Variants in CREB3L2 observed in about 807,000 individuals in gnomAD.
The protein encoded by CREB3L2 is cAMP responsive element binding protein 3 like 2.
In CREB3L2, 23 loss-of-function variants were observed where a neutral mutation model predicts 57.2. The observed-to-expected ratio is 0.40, with a 90% CI of 0.29 to 0.57. The LOEUF (loss-of-function observed/expected upper bound fraction) is 0.57, where lower values mean the gene tolerates loss of function less well. Ranked by LOEUF, CREB3L2 falls within the 20% of genes least tolerant of loss-of-function variation. CREB3L2 has a pLI of 0.42. For synonymous variants in CREB3L2, 268 were observed against 265.1 expected, an observed-to-expected ratio of 1.01 and a Z score of -0.11; for missense variants, 628 against 634.7, an observed-to-expected ratio of 0.99 and a Z score of 0.11.
intron 1 of CREB3L2, among the ~76,000 whole-genome samples, chr7:137,929,084 A>G (rs1299589812): frequency 6.6e-6 from 1 of 152,164 alleles, no homozygotes; most frequent in Non-Finnish European, 1.5e-5. Context: ...TAGTCTCCCC[A>G]TGGGCTAGAC....
At chr7:137,889,279 G>C (rs1204033814) in intron 8 of CREB3L2, among the ~76,000 whole-genome samples, 1 of 152,138 alleles carries the variant, frequency 6.6e-6, no homozygotes, top group Non-Finnish European at 1.5e-5. Context: ...GCTCAAATTG[G>C]AATCCCCCAT....
chr7:137,958,171 G>A (rs563526722), intron 1 of CREB3L2, among the ~76,000 whole-genome samples: 5 of 152,252 alleles, frequency 3.3e-5, no homozygotes, highest in Non-Finnish European at 5.9e-5. Context: ...AAGTCAATTT[G>A]AACAGTTCAC....
intron 2 of CREB3L2, among the ~76,000 whole-genome samples, chr7:137,918,632 G>A (rs992639232): frequency 3.9e-5 from 6 of 152,202 alleles, no homozygotes; most frequent in East Asian, 1.9e-4. Context: ...GAAAAAGGTC[G>A]CACACAATTA....
Position 137,878,287 on chromosome 7 carries a change from G to C in CREB3L2, c.*2189C>G, listed in dbSNP as rs1042738728. On this transcript the variant is annotated 3_prime_UTR_variant, in exon 12 of 12. Transcript: ENST00000330387. ...CTTGAAAACCCAGTCTGGTTCAGTT[G>C]CAGCAGGTACATGGGTTGGCTCATT... 1.9e-4 allele frequency: 44 copies of C among 232,790 alleles called. No homozygotes were observed. Among genetic ancestry groups the C allele is most frequent in the African/African-American group, 8.8e-4 (40 of 45,326 alleles). The allele number at this position is 232,790 out of a possible 1,614,324, so 14.4% of individuals were successfully genotyped here. A position where few individuals can be genotyped will look rare whatever the true frequency, so the allele number is the denominator to read the frequency against.
At chr7:137,881,188 C>T (rs916414698) in intron 11 of CREB3L2, among the ~76,000 whole-genome samples, 1 of 152,002 alleles carries the variant, frequency 6.6e-6, no homozygotes, top group African/African-American at 2.4e-5. Context: ...GAGATCCCAG[C>T]GGTGGCTACA....
chr7:137,928,245 G>A lies in CREB3L2; in HGVS notation c.224C>T (p.Pro75Leu), dbSNP rs776451704. ...EVEPSPTSPAPLIQAEHSYSL... is the reference protein window; with the variant it reads ...EVEPSPTSPALLIQAEHSYSL... ...GTAGCTGTGCTCAGCCTGGATGAGA[G>A]GCGCCGGGGACGTCGGGGAAGGTTC... is the stretch of plus-strand genomic sequence containing the variant. The change falls in exon 2 of 12, where the codon CCT becomes CTT. Residue 75 changes from proline to leucine, a missense_variant. Physicochemically the swap from Pro to Leu is moderately conservative, Grantham distance 98. Around this residue, in one of 3 missense-constraint regions of CREB3L2, gnomAD observed 339 missense variants for 355.4 expected, o/e 0.95. Transcript: ENST00000330387. 1 of 1,613,086 alleles carries A rather than the reference G, an allele frequency of 6.2e-7. No individual in the cohort carries two copies. The highest frequency in any genetic ancestry group is 1.1e-5 in the South Asian group (1 of 90,806).
chr7:137,964,802 G>C (rs889213920), intron 1 of CREB3L2, among the ~76,000 whole-genome samples: 4 of 152,164 alleles, frequency 2.6e-5, no homozygotes, highest in Non-Finnish European at 5.9e-5. Flanking sequence ...TTGTGGGAGG[G>C]ACCTGGAAGG....
intron 7 of CREB3L2, among the ~76,000 whole-genome samples, chr7:137,903,303 A>T (rs1256719912): frequency 6.6e-6 from 1 of 152,186 alleles, no homozygotes; most frequent in Admixed American, 6.5e-5. Context: ...CTTTCCCCAG[A>T]TCCACATGAA....
Position 137,916,016 on chromosome 7 carries a change from C to T in CREB3L2, c.320-4G>A, listed in dbSNP as rs749228114. ...CATTTCTCACTTTCCACCTCATCTGCAGGAAAAAAGACAAGCACACATGTG... is the reference window on the plus strand; with the variant it reads ...CATTTCTCACTTTCCACCTCATCTGTAGGAAAAAAGACAAGCACACATGTG... On this transcript the variant is annotated splice_region_variant and splice_polypyrimidine_tract_variant and intron_variant, in intron 2 of 11. Transcript: ENST00000330387. 1.1e-5 allele frequency: 17 copies of T among 1,606,606 alleles called. No individual in the cohort carries two copies. The highest frequency in any genetic ancestry group is 1.4e-5 in the Non-Finnish European group (16 of 1,177,110).
At chr7:137,978,943 G>A (rs118006785) in intron 1 of CREB3L2, among the ~76,000 whole-genome samples, 4 of 152,326 alleles carry the variant, frequency 2.6e-5, no homozygotes, top group East Asian at 3.9e-4. Context: ...GGGATGAGGC[G>A]AAGGTCTGAT....
At chr7:137,927,184 TGAGGAAGGAAGGAAAGG>T (rs1800485204) in intron 2 of CREB3L2, among the ~76,000 whole-genome samples, 2 of 114,332 alleles carry the variant, frequency 1.7e-5, no homozygotes, top group Non-Finnish European at 3.6e-5. Context: ...AAGAAGGGAG[TGAGGAAGGAAGGAAAGG>T]GAGGAAGGAA....
rs1802071574 is a variant in CREB3L2 at position 138,001,345 on chromosome 7, G to A, written c.102+259C>T. On this transcript the variant is annotated intron_variant, in intron 1 of 11. Coordinates refer to ENST00000330387, the MANE Select transcript of CREB3L2 (RefSeq NM_194071.4). The surrounding 1 kb of genome is among the most constrained non-coding windows in gnomAD (Gnocchi z 4.2). ...GTTAACAACAGCAAATGATATTACAGATGGAAAAAGCCTCAGGGAAAAAAG... is the reference window on the plus strand; with the variant it reads ...GTTAACAACAGCAAATGATATTACAAATGGAAAAAGCCTCAGGGAAAAAAG... 6.6e-6 allele frequency among the ~76,000 whole-genome samples: 1 copy of A among 152,144 alleles called. No homozygotes were observed. Among genetic ancestry groups the A allele is most frequent in the African/African-American group, 2.4e-5 (1 of 41,426 alleles).
rs189143741 is a variant in CREB3L2 at position 137,879,045 on chromosome 7, T to C, written c.*1431A>G. 1 of 434,168 alleles carries C rather than the reference T, an allele frequency of 2.3e-6. No individual in the cohort carries two copies. The highest frequency in any genetic ancestry group is 4.3e-6 in the Non-Finnish European group (1 of 231,172). 26.9% of individuals were successfully genotyped at this position (434,168 alleles called of 1,614,324 possible). A position where few individuals can be genotyped will look rare whatever the true frequency, so the allele number is the denominator to read the frequency against. Reference sequence around the variant, plus strand: ...CTATGCACATTTCCTACACAAAATCTTTCCCAAGCTCGGAAAAAACACTTG... The same window carrying C: ...CTATGCACATTTCCTACACAAAATCCTTCCCAAGCTCGGAAAAAACACTTG... On this transcript the variant is annotated 3_prime_UTR_variant, in exon 12 of 12. Coordinates refer to ENST00000330387, the MANE Select transcript of CREB3L2 (RefSeq NM_194071.4).
At position 138,001,495 on chromosome 7, in the gene CREB3L2, T is replaced by C. The variant is rs976427848; in HGVS notation, c.102+109A>G. 2 of 740,456 alleles carry C rather than the reference T, an allele frequency of 2.7e-6. No individual in the cohort carries two copies. The highest frequency in any genetic ancestry group is 2.3e-6 in the Non-Finnish European group (1 of 442,744). The allele number at this position is 740,456 out of a possible 1,614,324, so 45.9% of individuals were successfully genotyped here. ...GCCCAGGACCTCTTGATTCTGACCA[T>C]GCCCTGCCCCAAACCCTGCCTTCCC... On this transcript the variant is annotated intron_variant, in intron 1 of 11. Coordinates refer to ENST00000330387, the MANE Select transcript of CREB3L2 (RefSeq NM_194071.4). The surrounding 1 kb of genome is among the most constrained non-coding windows in gnomAD (Gnocchi z 4.2).
At chr7:137,962,661 T>C (rs1801345766) in intron 1 of CREB3L2, among the ~76,000 whole-genome samples, 2 of 152,128 alleles carry the variant, frequency 1.3e-5, no homozygotes, top group Non-Finnish European at 2.9e-5. Context: ...AGCATTCTCT[T>C]ACCCCATCGT....
intron 8 of CREB3L2, among the ~76,000 whole-genome samples, chr7:137,898,085 A>T (rs892991301): frequency 1.2e-4 from 19 of 152,236 alleles, no homozygotes; most frequent in Non-Finnish European, 2.2e-4. Flanking sequence ...AACCAATTTT[A>T]AAAAATGGGC....
intron 1 of CREB3L2, chr7:137,999,547 C>T (rs1468958663): frequency 5.9e-5 from 9 of 152,086 alleles, no homozygotes; most frequent in African/African-American, 9.7e-5. Flanking sequence ...ATAATCAGGC[C>T]ATCCTTTTTC....
At chr7:137,884,057 G>GT (rs1799356295) in intron 10 of CREB3L2, among the ~76,000 whole-genome samples, 1 of 152,198 alleles carries the variant, frequency 6.6e-6, no homozygotes, top group Admixed American at 6.5e-5. Context: ...CCAGGCTGGG[G>GT]TGCAGTGGCA....
At chr7:137,904,995 G>C (rs1799854354) in intron 6 of CREB3L2, among the ~76,000 whole-genome samples, 3 of 151,980 alleles carry the variant, frequency 2.0e-5, no homozygotes, top group Admixed American at 6.6e-5. Context: ...TATAAAATAA[G>C]ACAGCTGGCT....
Sources: gnomAD v4.1 joint callset for allele counts (sites outside exome capture counted in the v4.1 genomes callset) on GRCh38, gnomAD v4.1.1 for gene constraint, gnomAD v4.1.1 regional missense constraint, Gnocchi (gnomAD v3.1) non-coding constraint, MANE v1.5 for transcripts, NCBI Gene and HGNC (gene_info 2026-07-23, HGNC 2026-07-21) for gene names.